Variants in FRS2 observed in about 807,000 individuals in gnomAD.
FRS2 encodes the protein fibroblast growth factor receptor substrate 2.
A neutral mutation model predicts 43.9 loss-of-function variants in FRS2; 8 were observed. The ratio of observed to expected loss-of-function variants is 0.18; its 90% CI spans 0.11 to 0.33. The LOEUF (loss-of-function observed/expected upper bound fraction) is 0.33, where lower values mean the gene tolerates loss of function less well. FRS2 is among the 10% of genes least tolerant of loss of function. FRS2 has a pLI of 1.00. For missense variants in FRS2, 534 were observed against 627.6 expected (o/e 0.85, Z 1.59); for synonymous variants, 219 against 220.3 (o/e 0.99, Z 0.05).
rs940439143 is a variant in FRS2 at position 69,504,033 on chromosome 12, G to A, written c.-260-26832G>A. Among the ~76,000 whole-genome samples the A allele has an allele frequency of 1.1e-4, 16 of 152,196 alleles. No homozygotes were observed. The East Asian group carries it at 1.7e-3, about 17-fold the overall frequency. The stretch of plus-strand genomic sequence containing the variant: ...AGCCTGTCCAACAAGGTGAAACCCC[G>A]TCTCTACTAAAAACACAGAATGTTT... On this transcript the variant is annotated intron_variant, in intron 1 of 8. Coordinates refer to ENST00000549921, the MANE Select transcript of FRS2 (RefSeq NM_001278356.2).
chr12:69,551,589 A>C (rs1878877385), intron 3 of FRS2, among the ~76,000 whole-genome samples: 1 of 152,194 alleles, frequency 6.6e-6, no homozygotes, highest in Admixed American at 6.5e-5. Context: ...AAAACTGAAC[A>C]TTCTAAATTT....
At position 69,486,753 on chromosome 12, in the gene FRS2, C is replaced by G. The variant is rs893091529; in HGVS notation, c.-261+16223C>G. Among the ~76,000 whole-genome samples, 6 of 152,306 alleles carry G rather than the reference C, an allele frequency of 3.9e-5. No homozygotes were observed. In the South Asian group the frequency reaches 8.3e-4, roughly 21 times the overall value. On this transcript the variant is annotated intron_variant, in intron 1 of 8. Coordinates refer to ENST00000549921, the MANE Select transcript of FRS2 (RefSeq NM_001278356.2). ...TGATAAGAAAGTGAAAGTCTTATTG[C>G]TGGTATGGAGAAAGTTTTAATGGCC...
chr12:69,507,194 C>T (rs895510625), intron 1 of FRS2, among the ~76,000 whole-genome samples: 2 of 152,188 alleles, frequency 1.3e-5, no homozygotes, highest in Admixed American at 1.3e-4. Context: ...CTACAACATA[C>T]TTCTTACCCC....
Position 69,575,363 on chromosome 12 carries a change from G to A in FRS2, c.*408G>A, listed in dbSNP as rs1016519038. On this transcript the variant is annotated 3_prime_UTR_variant, in exon 9 of 9. Transcript: ENST00000549921. ...ACTATAGGCTTTGAAAGTAATGCTCGTAGATTCAGTGTTCACAGTATGTGG... is the reference window on the plus strand; with the variant it reads ...ACTATAGGCTTTGAAAGTAATGCTCATAGATTCAGTGTTCACAGTATGTGG... 2.4e-5 allele frequency: 4 copies of A among 165,198 alleles called. No homozygotes were observed. The highest frequency in any genetic ancestry group is 7.2e-5 in the African/African-American group (3 of 41,764). 10.2% of individuals were successfully genotyped at this position (165,198 alleles called of 1,614,324 possible). A position where few individuals can be genotyped will look rare whatever the true frequency, so the allele number is the denominator to read the frequency against.
intron 1 of FRS2, among the ~76,000 whole-genome samples, chr12:69,475,963 G>T (rs951172641): frequency 6.6e-6 from 1 of 152,100 alleles, no homozygotes; most frequent in Non-Finnish European, 1.5e-5. Context: ...TGGGTAATCG[G>T]TAGTTTTTGT....
At position 69,504,785 on chromosome 12, in the gene FRS2, C is replaced by T. The variant is rs541417569; in HGVS notation, c.-260-26080C>T. Among the ~76,000 whole-genome samples, 10 of 152,216 alleles carry T rather than the reference C, an allele frequency of 6.6e-5. No individual in the cohort carries two copies. The East Asian group carries it at 1.7e-3, about 26-fold the overall frequency. ...ATGGAAATAAATGGACAACTATTTC[C>T]AGTTCCCCACTTTTTAAGTTGCTTA... On this transcript the variant is annotated intron_variant, in intron 1 of 8. Coordinates refer to ENST00000549921, the MANE Select transcript of FRS2 (RefSeq NM_001278356.2).
intron 1 of FRS2, among the ~76,000 whole-genome samples, chr12:69,496,087 T>C (rs1229923090): frequency 1.3e-5 from 2 of 152,248 alleles, no homozygotes. Context: ...AGTGTGTTTT[T>C]TTGATAAATG....
chr12:69,497,395 T>C (rs998272785), intron 1 of FRS2, among the ~76,000 whole-genome samples: 1 of 152,224 alleles, frequency 6.6e-6, no homozygotes, highest in African/African-American at 2.4e-5. Flanking sequence ...ACCAGTAGAT[T>C]CAGTGCCTGG....
intron 3 of FRS2, among the ~76,000 whole-genome samples, chr12:69,546,891 C>T (rs898725974): frequency 6.6e-5 from 10 of 152,144 alleles, no homozygotes; most frequent in African/African-American, 2.2e-4. Context: ...CCCAAAAGAA[C>T]TGAAGGCAGG....
At chr12:69,567,518 G>A (rs1159485283) in intron 4 of FRS2, among the ~76,000 whole-genome samples, 2 of 152,130 alleles carry the variant, frequency 1.3e-5, no homozygotes, top group African/African-American at 4.8e-5. Context: ...CTGACAAGGG[G>A]CTCACAATGG....
chr12:69,568,093 T>C (rs893719003), intron 4 of FRS2, among the ~76,000 whole-genome samples: 1 of 152,210 alleles, frequency 6.6e-6, no homozygotes, highest in African/African-American at 2.4e-5. Flanking sequence ...GGAGTTTTCT[T>C]TGTCTGCTCA....
At chr12:69,520,333 A>G (rs990959238) in intron 1 of FRS2, among the ~76,000 whole-genome samples, 3 of 127,320 alleles carry the variant, frequency 2.4e-5, no homozygotes, top group African/African-American at 8.8e-5. Flanking sequence ...GTTTGCAGAT[A>G]TTTTCTCTCA....
intron 1 of FRS2, among the ~76,000 whole-genome samples, chr12:69,473,113 T>C (rs569751864): frequency 3.3e-4 from 51 of 152,346 alleles, no homozygotes; most frequent in African/African-American, 1.2e-3. Flanking sequence ...AGCTACTGTT[T>C]ATTGAGCATT....
At chr12:69,562,094 C>T in intron 3 of FRS2, 86 bp from the exon 4 acceptor site, 1 of 393,510 alleles carries the variant, frequency 2.5e-6, no homozygotes, top group Non-Finnish European at 4.5e-6. Context: ...AATAGATTAA[C>T]TGAACTAACT....
At chr12:69,478,979 T>G (rs200759265) in intron 1 of FRS2, among the ~76,000 whole-genome samples, 1 of 152,086 alleles carries the variant, frequency 6.6e-6, no homozygotes, top group Non-Finnish European at 1.5e-5. Flanking sequence ...TCCCTCTGTC[T>G]TGAAGTTTGG....
At chr12:69,524,632 G>A (rs1270135677) in intron 1 of FRS2, among the ~76,000 whole-genome samples, 3 of 152,118 alleles carry the variant, frequency 2.0e-5, no homozygotes, top group African/African-American at 7.2e-5. Flanking sequence ...GCTCTGCAGA[G>A]TTCAGATCTG....
In FRS2 at chr12:69,499,063, A is replaced by G. The variant is rs1007337168; in HGVS notation, c.-261+28533A>G. Among the ~76,000 whole-genome samples, 2 of 152,206 alleles carry G rather than the reference A, an allele frequency of 1.3e-5. 1 individual carries two copies. Among genetic ancestry groups the G allele is most frequent in the Non-Finnish European group, 2.9e-5 (2 of 68,030 alleles). ...AATATTACTTGAGCAGTTTGATTCT[A>G]GATACCATGAAAATCTATTATATTG... On this transcript the variant is annotated intron_variant, in intron 1 of 8. Transcript: ENST00000549921.
chr12:69,522,188 CTTTG>C (rs1338470978), intron 1 of FRS2, among the ~76,000 whole-genome samples: 4 of 108,518 alleles, frequency 3.7e-5, no homozygotes, highest in African/African-American at 1.5e-4. Context: ...CTGAAGTTTT[CTTTG>C]TGTGTGTGTG....
intron 4 of FRS2, among the ~76,000 whole-genome samples, chr12:69,564,622 T>G (rs1263057983): frequency 6.6e-6 from 1 of 152,202 alleles, no homozygotes; most frequent in Admixed American, 6.5e-5. Flanking sequence ...ACTTTTCCTC[T>G]TAAATGTTCC....
Sources: gnomAD v4.1 joint callset for allele counts (sites outside exome capture counted in the v4.1 genomes callset) on GRCh38, gnomAD v4.1.1 for gene constraint, MANE v1.5 for transcripts, NCBI Gene and HGNC (gene_info 2026-07-23, HGNC 2026-07-21) for gene names.